Variants in ARHGEF10 observed in about 807,000 individuals in gnomAD.
ARHGEF10 encodes the protein Rho guanine nucleotide exchange factor (GEF) 10.
Under a neutral mutation model 147.4 loss-of-function variants are expected in ARHGEF10, and 140 were observed. That is an observed-to-expected ratio of 0.95 (90% CI 0.83 to 1.09). ARHGEF10 has a LOEUF of 1.09. Ranked by LOEUF, ARHGEF10 falls within the 50% of genes least tolerant of loss-of-function variation. ARHGEF10 has a pLI of 0.00. For synonymous variants in ARHGEF10, 902 were observed against 695.8 expected, an observed-to-expected ratio of 1.30 and a Z score of -4.67; for missense variants, 2,222 against 1,752.7, an observed-to-expected ratio of 1.27 and a Z score of -4.78.
At chr8:1,916,336 ATAT>A (rs1345249200) in intron 18 of ARHGEF10, among the ~76,000 whole-genome samples, 1 of 152,246 alleles carries the variant, frequency 6.6e-6, no homozygotes, top group Non-Finnish European at 1.5e-5. Flanking sequence ...GAGCAAATTA[ATAT>A]TATGTTCTGG....
chr8:1,858,961 G>A (rs1805840527), intron 3 of ARHGEF10: 1 of 189,704 alleles, frequency 5.3e-6, no homozygotes, highest in Admixed American at 6.3e-5. Context: ...GTTTCTTTGT[G>A]CGTAGCACCA....
intron 28 of ARHGEF10, among the ~76,000 whole-genome samples, chr8:1,955,899 C>A (rs944950043): frequency 3.3e-5 from 5 of 152,210 alleles, no homozygotes; most frequent in African/African-American, 9.6e-5. Flanking sequence ...CCTGCACAGT[C>A]CCCCCAGCTC....
At chr8:1,832,215 G>A (rs907950543) in intron 1 of ARHGEF10, among the ~76,000 whole-genome samples, 10 of 137,940 alleles carry the variant, frequency 7.2e-5, no homozygotes, top group Admixed American at 1.5e-4. Flanking sequence ...TGGAGCGTCC[G>A]TAGATGCCCG....
intron 4 of ARHGEF10, 33 bp downstream of exon 4, chr8:1,860,217 T>G: frequency 6.2e-7 from 1 of 1,602,156 alleles, no homozygotes; most frequent in Non-Finnish European, 8.5e-7. Context: ...GCCCCCGAAG[T>G]GGCCTGTGGT....
rs568134310 is a variant in ARHGEF10, at chr8:1,869,446, A to G, written c.679+196A>G. On this transcript the variant is annotated intron_variant, in intron 7 of 28. Transcript: ENST00000349830. ...TATGTGTGTGTGCTTATAACCCTTG[A>G]AATAGGGCAGTTTAATCTTACTTAT... The G allele has an allele frequency of 3.7e-5, 26 of 695,754 alleles. No homozygotes were observed. In the African/African-American group the frequency reaches 4.4e-4, roughly 12 times the overall value. The allele number at this position is 695,754 out of a possible 1,614,324, so 43.1% of individuals were successfully genotyped here. A position where few individuals can be genotyped will look rare whatever the true frequency, so the allele number is the denominator to read the frequency against.
intron 28 of ARHGEF10, among the ~76,000 whole-genome samples, 154 bp downstream of exon 28, chr8:1,952,981 A>G (rs541068154): frequency 3.5e-4 from 53 of 152,270 alleles, no homozygotes; most frequent in Non-Finnish European, 6.0e-4. Flanking sequence ...TAGACTGTTT[A>G]ATTGGAATTA....
chr8:1,828,891 A>ATT (rs11458465), intron 1 of ARHGEF10, among the ~76,000 whole-genome samples: 104 of 151,078 alleles, frequency 6.9e-4, no homozygotes, highest in Non-Finnish European at 9.6e-4. Flanking sequence ...TCGTTTGCTT[A>ATT]TTTTTTTTTT....
chr8:1,929,249 G>T, intron 24 of ARHGEF10, 37 bp from the exon 25 acceptor site: 1 of 1,608,660 alleles, frequency 6.2e-7, no homozygotes, highest in Non-Finnish European at 8.5e-7. Context: ...GTTACAACGA[G>T]CAAATATATT....
chr8:1,956,453 A>T (rs917313409), intron 28 of ARHGEF10, among the ~76,000 whole-genome samples: 1 of 152,224 alleles, frequency 6.6e-6, no homozygotes, highest in African/African-American at 2.4e-5. Context: ...AAAAATGACT[A>T]TTTTATTACT....
At chr8:1,826,126 T>G in intron 1 of ARHGEF10, 1 of 1,594,648 alleles carries the variant, frequency 6.3e-7, no homozygotes, top group Non-Finnish European at 8.5e-7. Context: ...ACCTCCAGGA[T>G]TTCTCAGCAG....
chr8:1,942,461 G>A (rs1211887034), intron 26 of ARHGEF10, among the ~76,000 whole-genome samples: 1 of 151,802 alleles, frequency 6.6e-6, no homozygotes. Flanking sequence ...GAGCCAGCAC[G>A]CACTGCAGAG....
At chr8:1,863,582 G>A (rs1234148532) in intron 4 of ARHGEF10, among the ~76,000 whole-genome samples, 1 of 152,154 alleles carries the variant, frequency 6.6e-6, no homozygotes, top group African/African-American at 2.4e-5. Context: ...TGGCAGATTC[G>A]TCAAGGGACC....
chr8:1,883,377 C>G (rs1472984716), intron 10 of ARHGEF10, among the ~76,000 whole-genome samples: 1 of 152,084 alleles, frequency 6.6e-6, no homozygotes, highest in Non-Finnish European at 1.5e-5. Context: ...TGAGACTTCA[C>G]TGTCATACAG....
rs377464971 is a variant in ARHGEF10, at chr8:1,923,479, G to A, written c.2271G>A (p.Gln757=). The A allele has an allele frequency of 3.1e-6, 5 of 1,614,094 alleles. No individual in the cohort carries two copies. Among genetic ancestry groups the A allele is most frequent in the Admixed American group, 1.7e-5 (1 of 60,016 alleles). ...TATTTCCTTTGTAGAACTTAAACCAGTCAGTAGCCCATGACTGGACATCAG... is the reference window on the plus strand; with the variant it reads ...TATTTCCTTTGTAGAACTTAAACCAATCAGTAGCCCATGACTGGACATCAG... The part of the protein sequence containing the change: ...NLKGNYQNLN[Q]SVAHDWTSGL... Residue 757 remains glutamine, a synonymous_variant, in exon 20 of 29, where the codon CAG becomes CAA. Transcript: ENST00000349830.
intron 5 of ARHGEF10, 148 bp downstream of exon 5, chr8:1,864,584 TC>T: frequency 1.3e-6 from 1 of 795,862 alleles, no homozygotes; most frequent in Non-Finnish European, 2.2e-6. Flanking sequence ...CTCGGGTCCC[TC>T]CCAGGCGAGT....
At chr8:1,907,096 C>T (rs1032151782) in intron 17 of ARHGEF10, among the ~76,000 whole-genome samples, 3 of 152,232 alleles carry the variant, frequency 2.0e-5, no homozygotes, top group African/African-American at 4.8e-5. Flanking sequence ...CGTGGGAGGT[C>T]GCAGCTGGAG....
chr8:1,952,491 A>G (rs888947403), intron 27 of ARHGEF10, among the ~76,000 whole-genome samples: 11 of 152,238 alleles, frequency 7.2e-5, no homozygotes, highest in South Asian at 2.1e-4. Flanking sequence ...TGTTCTGTTC[A>G]GGTGCAGGTG....
intron 2 of ARHGEF10, among the ~76,000 whole-genome samples, chr8:1,851,208 C>T (rs60972889): frequency 0.13 from 16,608 of 125,906 alleles, 1,765 homozygotes; most frequent in African/African-American, 0.21. Flanking sequence ...CATCATTACA[C>T]GCCTGTCCAA....
intron 18 of ARHGEF10, among the ~76,000 whole-genome samples, chr8:1,910,074 A>G (rs1258986493): frequency 6.6e-6 from 1 of 152,142 alleles, no homozygotes; most frequent in Non-Finnish European, 1.5e-5. Context: ...TGTAAAAATC[A>G]TTACCTTCTC....
Sources: allele counts gnomAD v4.1 joint callset (sites outside exome capture counted in the v4.1 genomes callset), GRCh38; gene constraint gnomAD v4.1.1; transcripts MANE v1.5; gene names NCBI Gene and HGNC (gene_info 2026-07-23, HGNC 2026-07-21).